SMYD2: variants seen among roughly 807,000 people sequenced by gnomAD.
SMYD2 encodes the protein N-lysine methyltransferase SMYD2.
In SMYD2, 53 loss-of-function variants were observed where a neutral mutation model predicts 59.1. The observed-to-expected ratio is 0.90, with a 90% CI of 0.72 to 1.13. The LOEUF is 1.13. Ranked by LOEUF, SMYD2 falls within the 50% of genes most tolerant of loss-of-function variation. SMYD2 has a pLI of 0.00. For missense variants in SMYD2, 494 were observed against 544.7 expected, an observed-to-expected ratio of 0.91 and a Z score of 0.93; for synonymous variants, 208 against 198.8, an observed-to-expected ratio of 1.05 and a Z score of -0.39.
intron 9 of SMYD2, 193 bp from the exon 10 acceptor site, chr1:214,331,824 TC>T: frequency 1.7e-6 from 1 of 580,790 alleles, no homozygotes; most frequent in Non-Finnish European, 3.0e-6. Flanking sequence ...GTTGAGCGGT[TC>T]CGACCTTCAG....
chr1:214,288,209 CAT>C (rs1334802290), intron 1 of SMYD2, among the ~76,000 whole-genome samples: 15 of 152,342 alleles, frequency 9.8e-5, no homozygotes, highest in African/African-American at 3.6e-4. Flanking sequence ...TTCTTTAAAT[CAT>C]ATTGCTCTTT....
At chr1:214,315,950 C>G (rs2102469571) in intron 3 of SMYD2, among the ~76,000 whole-genome samples, 1 of 152,336 alleles carries the variant, frequency 6.6e-6, no homozygotes, top group South Asian at 2.1e-4. Flanking sequence ...ACTGACTGTT[C>G]TCCGCCTGGT....
At chr1:214,336,237 T>A (rs1657433860) in intron 11 of SMYD2, among the ~76,000 whole-genome samples, 3 of 151,544 alleles carry the variant, frequency 2.0e-5, no homozygotes, top group Non-Finnish European at 1.5e-5. Context: ...TCTCCTTTTT[T>A]AAAAAAAAAC....
chr1:214,285,226 C>T (rs992057874), intron 1 of SMYD2, among the ~76,000 whole-genome samples: 3 of 152,168 alleles, frequency 2.0e-5, no homozygotes, highest in South Asian at 2.1e-4. Flanking sequence ...TATTCTCTAG[C>T]GTATTCATCT....
intron 1 of SMYD2, among the ~76,000 whole-genome samples, chr1:214,292,314 T>TACACACATGCACAC (rs1329902108): frequency 1.3e-5 from 2 of 152,176 alleles, no homozygotes; most frequent in African/African-American, 4.8e-5. Flanking sequence ...TGCACACATA[T>TACACACATGCACAC]ACACACATGC....
At chr1:214,336,660 A>AGAT (rs774472800) in intron 11 of SMYD2, 44 bp from the exon 12 acceptor site, 66 of 1,582,366 alleles carry the variant, frequency 4.2e-5, no homozygotes, top group Non-Finnish European at 5.3e-5. Flanking sequence ...AGGTGTGAGG[A>AGAT]GATTGGCTTC....
intron 2 of SMYD2, among the ~76,000 whole-genome samples, chr1:214,311,973 G>C (rs1262213072): frequency 6.6e-6 from 1 of 152,108 alleles, no homozygotes; most frequent in East Asian, 1.9e-4. Flanking sequence ...GGTCATCTCT[G>C]TCTTTTCCTC....
intron 3 of SMYD2, among the ~76,000 whole-genome samples, chr1:214,316,417 G>A (rs901170012): frequency 6.6e-5 from 10 of 151,830 alleles, no homozygotes; most frequent in African/African-American, 2.4e-4. Context: ...GAACTTCAAG[G>A]CTGCAGTGAG....
chr1:214,299,482 T>TATATACACAC (rs751839365), intron 1 of SMYD2, among the ~76,000 whole-genome samples: 2 of 45,918 alleles, frequency 4.4e-5, no homozygotes, highest in African/African-American at 1.3e-4. Context: ...TATATATATA[T>TATATACACAC]ACACCATAGA....
intron 1 of SMYD2, among the ~76,000 whole-genome samples, chr1:214,286,109 A>T (rs1242857144): frequency 6.6e-6 from 1 of 152,154 alleles, no homozygotes; most frequent in East Asian, 1.9e-4. Flanking sequence ...TTCTGGTTTC[A>T]TTCTTTCCTG....
At chr1:214,324,157 G>C (rs962406148) in intron 5 of SMYD2, among the ~76,000 whole-genome samples, 1 of 151,974 alleles carries the variant, frequency 6.6e-6, no homozygotes, top group Non-Finnish European at 1.5e-5. Flanking sequence ...GGCTGGTTTC[G>C]AACTCCCGAC....
At chr1:214,323,466 C>G (rs1423542975) in intron 5 of SMYD2, among the ~76,000 whole-genome samples, 1 of 152,128 alleles carries the variant, frequency 6.6e-6, no homozygotes, top group African/African-American at 2.4e-5. Flanking sequence ...GAGTCTCACA[C>G]TGTCGTCCAG....
Position 214,318,783 on chromosome 1 carries a change from C to A in SMYD2, c.410-76C>A. ...TTTCGCCCGTTCCTTTCCTCTGTAT[C>A]ATTTACAGCAAAAATAGGATGTAGC... On this transcript the variant is annotated intron_variant, in intron 4 of 11. Coordinates refer to ENST00000366957, the MANE Select transcript of SMYD2 (RefSeq NM_020197.3). The surrounding 1 kb of genome is among the most constrained non-coding windows in gnomAD (Gnocchi z 5.4). 3 of 1,477,634 alleles carry A rather than the reference C, an allele frequency of 2.0e-6. No homozygotes were observed. Among genetic ancestry groups the A allele is most frequent in the Non-Finnish European group, 2.8e-6 (3 of 1,082,398 alleles). The allele number at this position is 1,477,634 out of a possible 1,614,324, so 91.5% of individuals were successfully genotyped here. A position where few individuals can be genotyped will look rare whatever the true frequency, so the allele number is the denominator to read the frequency against.
chr1:214,295,286 G>T (rs2102457220), intron 1 of SMYD2, among the ~76,000 whole-genome samples: 1 of 152,294 alleles, frequency 6.6e-6, no homozygotes, highest in East Asian at 1.9e-4. Context: ...ATTGTGCAGG[G>T]CCTACAAGAG....
At chr1:214,332,289 C>T in intron 10 of SMYD2, 97 bp downstream of exon 10, 1 of 1,412,760 alleles carries the variant, frequency 7.1e-7, no homozygotes, top group South Asian at 1.4e-5. Flanking sequence ...CTGAGACTTG[C>T]CTAGCGCAGC....
intron 7 of SMYD2, among the ~76,000 whole-genome samples, chr1:214,329,781 G>A (rs754256625): frequency 1.3e-5 from 2 of 152,204 alleles, no homozygotes; most frequent in Non-Finnish European, 2.9e-5. Context: ...CAGTGATGAC[G>A]GCAACGAAGC....
chr1:214,308,925 A>G (rs1274445124), intron 2 of SMYD2, among the ~76,000 whole-genome samples: 2 of 152,202 alleles, frequency 1.3e-5, no homozygotes, highest in Admixed American at 1.3e-4. Flanking sequence ...TGTCAGAGAA[A>G]GAGAAGTGGC....
intron 3 of SMYD2, 119 bp from the exon 4 acceptor site, chr1:214,317,960 G>C: frequency 1.0e-6 from 1 of 992,950 alleles, no homozygotes; most frequent in Non-Finnish European, 1.6e-6. Flanking sequence ...TGAGTAGCTT[G>C]TTTTACTTCC....
At chr1:214,296,110 C>T (rs73090380) in intron 1 of SMYD2, among the ~76,000 whole-genome samples, 4,684 of 152,336 alleles carry the variant, frequency 0.031, 252 homozygotes, top group African/African-American at 0.11. Flanking sequence ...GTGAAACCCA[C>T]TAAGCATTCA....
Sources: allele counts gnomAD v4.1 joint callset (sites outside exome capture counted in the v4.1 genomes callset), GRCh38; gene constraint gnomAD v4.1.1; non-coding constraint Gnocchi (gnomAD v3.1); transcripts MANE v1.5; gene names NCBI Gene and HGNC (gene_info 2026-07-23, HGNC 2026-07-21).